The following LDLRAD3 variants were observed in gnomAD, a reference collection of about 807,000 sequenced individuals.
The protein encoded by LDLRAD3 is low density lipoprotein receptor class A domain containing 3, also known as low-density lipoprotein receptor class A domain-containing protein 3.
LDLRAD3 carries 20 observed loss-of-function variants against 29.4 expected under a neutral mutation model. The ratio of observed to expected loss-of-function variants is 0.68; its 90% CI spans 0.48 to 0.99. The LOEUF (loss-of-function observed/expected upper bound fraction) is 0.99. Among genes scored for constraint, LDLRAD3 ranks in the 50% least tolerant of loss-of-function variants. The probability of loss-of-function intolerance (pLI) is 0.00; values close to 1 mark genes in which losing one functional copy is unlikely to be tolerated. For missense variants in LDLRAD3, 420 were observed against 454.3 expected (o/e 0.92, Z 0.69); for synonymous variants, 157 against 192.7 (o/e 0.81, Z 1.53).
At chr11:36,067,516 A>G (rs928053266) in intron 2 of LDLRAD3, among the ~76,000 whole-genome samples, 8 of 152,206 alleles carry the variant, frequency 5.3e-5, no homozygotes, top group African/African-American at 1.9e-4. Flanking sequence ...AATCCCCTCA[A>G]CAACTGAGCA....
intron 4 of LDLRAD3, among the ~76,000 whole-genome samples, chr11:36,161,639 A>C (rs12282945): frequency 0.3 from 45,105 of 152,042 alleles, 7,555 homozygotes; most frequent in African/African-American, 0.45. Flanking sequence ...ACTCCACTTC[A>C]GTCCCGGCAA....
chr11:36,080,682 T>C (rs1431425575), intron 2 of LDLRAD3, among the ~76,000 whole-genome samples: 1 of 152,144 alleles, frequency 6.6e-6, no homozygotes, highest in African/African-American at 2.4e-5. Flanking sequence ...ACTCAGTATA[T>C]GATCATACTC....
intron 4 of LDLRAD3, among the ~76,000 whole-genome samples, chr11:36,170,769 A>G (rs1036943676): frequency 2.7e-5 from 4 of 149,370 alleles, no homozygotes; most frequent in African/African-American, 4.9e-5. Context: ...ATGTTGAGCA[A>G]TTTGTCATAC....
intron 3 of LDLRAD3, among the ~76,000 whole-genome samples, chr11:36,091,756 A>C (rs1853284681): frequency 6.6e-6 from 1 of 152,244 alleles, no homozygotes; most frequent in South Asian, 2.1e-4. Context: ...GAGGACAAAG[A>C]AAACAAACAT....
rs200913310 is a variant in LDLRAD3, at chr11:36,199,593, G to T, written c.455-27492G>T. Among the ~76,000 whole-genome samples, 127 of 119,406 alleles carry T rather than the reference G, an allele frequency of 1.1e-3. 1 individual carries two copies. The highest frequency in any genetic ancestry group is 2.0e-3 in the Non-Finnish European group (109 of 55,696). 78.3% of individuals were successfully genotyped at this position (119,406 alleles called of 152,430 possible). On this transcript the variant is annotated intron_variant, in intron 4 of 5. Coordinates refer to ENST00000315571, the MANE Select transcript of LDLRAD3 (RefSeq NM_174902.4). ...CACACACACACACACACACACGCAC[G>T]CACGCGTGCGCGCACACGCTTTCTG...
At chr11:36,204,723 A>G (rs570226568) in intron 4 of LDLRAD3, among the ~76,000 whole-genome samples, 2 of 152,258 alleles carry the variant, frequency 1.3e-5, no homozygotes, top group Non-Finnish European at 2.9e-5. Flanking sequence ...TCCTGACTTC[A>G]GGTAATCCAC....
At chr11:36,056,637 C>T (rs75112299) in intron 2 of LDLRAD3, among the ~76,000 whole-genome samples, 4,753 of 152,178 alleles carry the variant, frequency 0.031, 234 homozygotes, top group Admixed American at 0.13. Flanking sequence ...TTCCCATTGC[C>T]GCAAAAAGAT....
intron 4 of LDLRAD3, among the ~76,000 whole-genome samples, chr11:36,124,670 C>T (rs1028248912): frequency 2.6e-5 from 4 of 151,700 alleles, no homozygotes; most frequent in Admixed American, 6.6e-5. Context: ...TTGTCCGGCA[C>T]GCTAGTCTCC....
intron 4 of LDLRAD3, among the ~76,000 whole-genome samples, chr11:36,145,078 C>T (rs866664458): frequency 2.9e-3 from 212 of 73,390 alleles, no homozygotes; most frequent in East Asian, 5.9e-3. Context: ...CCCCTCTGCC[C>T]GGCCAGCCGC....
intron 4 of LDLRAD3, among the ~76,000 whole-genome samples, chr11:36,187,282 TC>T (rs1386232714): frequency 6.6e-6 from 1 of 152,116 alleles, no homozygotes; most frequent in African/African-American, 2.4e-5. Context: ...TGTTTTCAGT[TC>T]CCCAGAAGTG....
At chr11:36,090,216 A>T (rs1917900) in intron 3 of LDLRAD3, among the ~76,000 whole-genome samples, 4 of 151,976 alleles carry the variant, frequency 2.6e-5, no homozygotes, top group African/African-American at 7.2e-5. Flanking sequence ...AATATAAAAG[A>T]TTATATTTTA....
rs1852585740 is a variant in LDLRAD3 at position 36,054,840 on chromosome 11, A to ATGG, written c.193+18591_193+18592insTGG. ...GGATGGATAGGTGGATGGATGGATGAATGGATGGATGGATGGATGGATGGA... is the reference window on the plus strand; with the variant it reads ...GGATGGATAGGTGGATGGATGGATGATGGATGGATGGATGGATGGATGGATGGA... On this transcript the variant is annotated intron_variant, in intron 2 of 5. Transcript: ENST00000315571. Among the ~76,000 whole-genome samples the ATGG allele has an allele frequency of 3.7e-4, 50 of 133,814 alleles. No homozygotes were observed. In the East Asian group the frequency reaches 4.3e-3, roughly 11 times the overall value. 87.8% of individuals were successfully genotyped at this position (133,814 alleles called of 152,430 possible). A position where few individuals can be genotyped will look rare whatever the true frequency, so the allele number is the denominator to read the frequency against.
chr11:36,160,452 C>G (rs1439564378), intron 4 of LDLRAD3, among the ~76,000 whole-genome samples: 2 of 152,118 alleles, frequency 1.3e-5, no homozygotes, highest in Non-Finnish European at 2.9e-5. Context: ...ATGCTTATCC[C>G]AGCAGTTATT....
At chr11:36,201,591 G>A (rs1468601793) in intron 4 of LDLRAD3, among the ~76,000 whole-genome samples, 7 of 152,196 alleles carry the variant, frequency 4.6e-5, no homozygotes, top group Admixed American at 1.3e-4. Context: ...TGGGGAGCAC[G>A]GAATAATTAG....
At chr11:36,140,992 T>C (rs371631386) in intron 4 of LDLRAD3, among the ~76,000 whole-genome samples, 6 of 110,054 alleles carry the variant, frequency 5.5e-5, no homozygotes, top group African/African-American at 9.6e-5. Context: ...CTGTTGAGCT[T>C]TCTCTCTCTC....
chr11:36,204,619 C>T lies in LDLRAD3; in HGVS notation c.455-22466C>T, dbSNP rs1375296124. 2.6e-5 allele frequency among the ~76,000 whole-genome samples: 4 copies of T among 151,936 alleles called. No individual in the cohort carries two copies. The South Asian group carries it at 8.3e-4, about 32-fold the overall frequency. On this transcript the variant is annotated intron_variant, in intron 4 of 5. Transcript: ENST00000315571. ...TCTGCTGCCTCAGCCTCCTGAGTAGCTGAGATTACAGGCACCCACCACCAC... is the reference window on the plus strand; with the variant it reads ...TCTGCTGCCTCAGCCTCCTGAGTAGTTGAGATTACAGGCACCCACCACCAC...
intron 1 of LDLRAD3, among the ~76,000 whole-genome samples, chr11:35,973,052 CAA>C (rs775477148): frequency 0.057 from 2,782 of 48,724 alleles, 55 homozygotes; most frequent in East Asian, 0.25. Flanking sequence ...GACTCCATCT[CAA>C]AAAAAAAAAA....
chr11:35,969,117 G>T (rs943887089), intron 1 of LDLRAD3, among the ~76,000 whole-genome samples: 1 of 152,156 alleles, frequency 6.6e-6, no homozygotes, highest in African/African-American at 2.4e-5. Context: ...AGAGAGGAAA[G>T]AAATCCCTAA....
chr11:35,951,176 T>A (rs758854404), intron 1 of LDLRAD3, among the ~76,000 whole-genome samples: 2 of 152,236 alleles, frequency 1.3e-5, no homozygotes, highest in East Asian at 3.9e-4. Flanking sequence ...AATAAAACAT[T>A]AAAATCCTCC....
Sources: gnomAD v4.1 joint callset for allele counts (sites outside exome capture counted in the v4.1 genomes callset) on GRCh38, gnomAD v4.1.1 for gene constraint, MANE v1.5 for transcripts, NCBI Gene and HGNC (gene_info 2026-07-23, HGNC 2026-07-21) for gene names.